Variants in MYOM2 observed in about 807,000 individuals in gnomAD.
The protein encoded by MYOM2 is myomesin 2.
A neutral mutation model predicts 187.6 loss-of-function variants in MYOM2; 254 were observed. The observed-to-expected ratio is 1.35, with a 90% CI of 1.22 to 1.50. The LOEUF (loss-of-function observed/expected upper bound fraction) is 1.50. Ranked by LOEUF, MYOM2 falls within the 40% of genes most tolerant of loss-of-function variation. The pLI, the probability that MYOM2 is intolerant of heterozygous loss-of-function variation, is 0.00. For synonymous variants in MYOM2, 981 were observed against 753.8 expected, an observed-to-expected ratio of 1.30 and a Z score of -4.94; for missense variants, 2,796 against 1,924.0, an observed-to-expected ratio of 1.45 and a Z score of -8.48.
chr8:2,144,604 G>A (rs1385704431), intron 36 of MYOM2, 60 bp from the exon 37 acceptor site: 1 of 1,549,302 alleles, frequency 6.5e-7, no homozygotes, highest in Non-Finnish European at 8.9e-7. Flanking sequence ...CCGTCCGAGG[G>A]GGTGACATGA....
intron 29 of MYOM2, 61 bp from the exon 30 acceptor site, chr8:2,123,494 T>C (rs1193273229): frequency 6.6e-6 from 10 of 1,503,820 alleles, no homozygotes; most frequent in Non-Finnish European, 9.2e-6. Context: ...TTAGAGTTTA[T>C]TACGTTTTCT....
chr8:2,090,292 C>G (rs144570102), intron 15 of MYOM2, 101 bp downstream of exon 15: 16 of 1,159,500 alleles, frequency 1.4e-5, no homozygotes, highest in African/African-American at 3.1e-5. Flanking sequence ...ATGTTATAAA[C>G]GAGTTGAAGT....
In MYOM2 at chr8:2,101,925, G is replaced by C. The variant is rs149444374; in HGVS notation, c.2620-742G>C. On this transcript the variant is annotated intron_variant, in intron 20 of 36. Transcript: ENST00000262113. ...AGCACTTGCGGTTCCTCAGTGACTG[G>C]GTCAGGTGTAAGGACTGAGCCCCAG... is the stretch of plus-strand genomic sequence containing the variant. 1.4e-3 allele frequency: 219 copies of C among 152,326 alleles called. 2 individuals carry two copies. The highest frequency in any genetic ancestry group is 5.0e-3 in the African/African-American group (209 of 41,542). The allele number at this position is 152,326 out of a possible 1,614,324, so 9.4% of individuals were successfully genotyped here.
rs779788503 is a variant in MYOM2, at chr8:2,085,268, G to A, written c.1522G>A (p.Ala508Thr). ...AIYQDDLEGDAQVPGPPTGVH... is the reference protein window; with the variant it reads ...AIYQDDLEGDTQVPGPPTGVH... ...CGAATTTATTATTCCTCCAGGTGAC[G>A]CCCAGGTTCCAGGGCCTCCCACCGG... The change falls in exon 14 of 37, where the codon GCC (alanine) becomes ACC (threonine). Residue 508 changes from alanine to threonine, a missense_variant. Transcript: ENST00000262113. 5.6e-6 allele frequency: 9 copies of A among 1,613,864 alleles called. No homozygotes were observed. The highest frequency in any genetic ancestry group is 2.2e-5 in the South Asian group (2 of 91,062).
At chr8:2,091,472 G>T (rs1486018560) in intron 15 of MYOM2, among the ~76,000 whole-genome samples, 2 of 152,176 alleles carry the variant, frequency 1.3e-5, no homozygotes, top group Non-Finnish European at 2.9e-5. Flanking sequence ...TAACTAGCAT[G>T]TAAGCGGAGG....
At chr8:2,109,153 A>G (rs1302463509) in intron 24 of MYOM2, 2 of 536,980 alleles carry the variant, frequency 3.7e-6, no homozygotes, top group Non-Finnish European at 6.4e-6. Flanking sequence ...GAATCCAGGC[A>G]TCTTTACTTA....
chr8:2,079,778 A>T (rs938334890), intron 13 of MYOM2, among the ~76,000 whole-genome samples, 165 bp downstream of exon 13: 11 of 152,170 alleles, frequency 7.2e-5, no homozygotes, highest in African/African-American at 9.7e-5. Flanking sequence ...TAGAAGTTAA[A>T]AAAAAGAAAA....
At chr8:2,124,040 T>C in intron 30 of MYOM2, 139 bp from the exon 31 acceptor site, 2 of 838,850 alleles carry the variant, frequency 2.4e-6, no homozygotes, top group South Asian at 3.4e-5. Context: ...AAGTCTTTTA[T>C]GGATAAATAT....
intron 24 of MYOM2, 187 bp from the exon 25 acceptor site, chr8:2,109,208 G>A (rs919298650): frequency 6.7e-5 from 43 of 643,774 alleles, no homozygotes; most frequent in Non-Finnish European, 9.0e-5. Flanking sequence ...GTGGCATGAG[G>A]CTTTAGAGGC....
chr8:2,102,632 C>A, intron 20 of MYOM2, 35 bp from the exon 21 acceptor site: 2 of 1,436,780 alleles, frequency 1.4e-6, no homozygotes, highest in Non-Finnish European at 1.9e-6. Flanking sequence ...TTTATTTTAC[C>A]TCCACACATC....
chr8:2,055,604 C>A (rs915125826), intron 3 of MYOM2, among the ~76,000 whole-genome samples: 9 of 152,158 alleles, frequency 5.9e-5, no homozygotes, highest in Admixed American at 4.6e-4. Context: ...GGGTTCCTCC[C>A]ACCTCATTTC....
At chr8:2,105,423 A>G (rs17684410) in intron 21 of MYOM2, among the ~76,000 whole-genome samples, 21,686 of 152,078 alleles carry the variant, frequency 0.14, 1,901 homozygotes, top group East Asian at 0.27. Flanking sequence ...CCAGATGTTC[A>G]CCTGGGTCAA....
At position 2,116,217 on chromosome 8, in the gene MYOM2, A is replaced by G. The variant is rs183496334; in HGVS notation, c.3327A>G (p.Ala1109=). ...TATTTTTTTAAATATTGAATTTAGC[A>G]TTCAAGACTGTGCTGGAAGAGGCTG... ...SQSSLVLIGD[A]FKTVLEEAEF... is the part of the protein sequence containing the mutation. The change falls in exon 27 of 37, where the codon GCA becomes GCG. Residue 1109 remains alanine (A), a splice_region_variant and synonymous_variant. Coordinates refer to ENST00000262113, the MANE Select transcript of MYOM2 (RefSeq NM_003970.4). 1.4e-5 allele frequency: 23 copies of G among 1,608,802 alleles called. No homozygotes were observed. The highest frequency in any genetic ancestry group is 6.7e-5 in the South Asian group (6 of 89,642).
intron 14 of MYOM2, 71 bp downstream of exon 14, chr8:2,085,461 G>GCAC: frequency 6.5e-7 from 1 of 1,540,886 alleles, no homozygotes; most frequent in Non-Finnish European, 8.8e-7. Context: ...TCTCTGCGTG[G>GCAC]CCCACCGCTG....
intron 1 of MYOM2, among the ~76,000 whole-genome samples, chr8:2,049,571 G>T (rs975060402): frequency 6.6e-6 from 1 of 152,192 alleles, no homozygotes; most frequent in African/African-American, 2.4e-5. Context: ...CATGGCCCGG[G>T]ATGTGGGTGG....
At chr8:2,122,063 T>G (rs1270599548) in intron 28 of MYOM2, among the ~76,000 whole-genome samples, 1 of 152,206 alleles carries the variant, frequency 6.6e-6, no homozygotes, top group Non-Finnish European at 1.5e-5. Flanking sequence ...GAAAGGCATT[T>G]ATTGGAAAGG....
In MYOM2 at chr8:2,086,424, G is replaced by A. The variant is rs964492265; in HGVS notation, c.1644+1034G>A. 4.9e-4 allele frequency among the ~76,000 whole-genome samples: 64 copies of A among 130,956 alleles called. 1 individual carries two copies. The highest frequency in any genetic ancestry group is 8.9e-4 in the Admixed American group (12 of 13,470). 85.9% of individuals were successfully genotyped at this position (130,956 alleles called of 152,430 possible). On this transcript the variant is annotated intron_variant, in intron 14 of 36. Transcript: ENST00000262113. ...GATCTCTGCGTGGCCTCCCACTGTT[G>A]TGATCTCTGCGTGGCCCCCTACTGT...
intron 21 of MYOM2, 87 bp from the exon 22 acceptor site, chr8:2,106,155 G>A (rs1796880382): frequency 1.2e-5 from 17 of 1,387,168 alleles, no homozygotes; most frequent in South Asian, 3.9e-5. Context: ...GTGTGGACGC[G>A]GAGCCAAACC....
At position 2,069,435 on chromosome 8, in the gene MYOM2, G is replaced by T. The variant is rs1219986604; in HGVS notation, c.743-12G>T. Reference sequence around the variant, plus strand: ...TTCTCTTTTCTGCTGCACTCACTTTGCTGTCTTGCAGGGTTCCGGGGAGAC... The same window carrying T: ...TTCTCTTTTCTGCTGCACTCACTTTTCTGTCTTGCAGGGTTCCGGGGAGAC... On this transcript the variant is annotated splice_polypyrimidine_tract_variant and intron_variant, in intron 7 of 36. Transcript: ENST00000262113. 6.2e-7 allele frequency: 1 copy of T among 1,614,182 alleles called. No homozygotes were observed. Among genetic ancestry groups the T allele is most frequent in the Non-Finnish European group, 8.5e-7 (1 of 1,180,006 alleles).
Sources: allele counts gnomAD v4.1 joint callset (sites outside exome capture counted in the v4.1 genomes callset), GRCh38; gene constraint gnomAD v4.1.1; transcripts MANE v1.5; gene names NCBI Gene and HGNC (gene_info 2026-07-23, HGNC 2026-07-21).